Variants in ANXA11 observed in about 807,000 individuals in gnomAD.
ANXA11 encodes 56 kDa autoantigen.
Under a neutral mutation model 64.7 loss-of-function variants are expected in ANXA11, and 57 were observed. The observed-to-expected ratio is 0.88, with a 90% CI of 0.71 to 1.10. The LOEUF is 1.10. ANXA11 is among the 50% of genes least tolerant of loss of function. The pLI is 0.00. For missense variants in ANXA11, 675 were observed against 670.7 expected (o/e 1.01, Z -0.07); for synonymous variants, 260 against 265.2 (o/e 0.98, Z 0.19).
At chr10:80,167,159 G>A (rs1213024788) in intron 6 of ANXA11, 67 bp downstream of exon 6, 2 of 1,521,268 alleles carry the variant, frequency 1.3e-6, no homozygotes, top group Non-Finnish European at 9.1e-7. Context: ...AGCCCACAGA[G>A]CCACAGTGAA....
In ANXA11 at chr10:80,182,866, A is replaced by T. The variant is rs568550339; in HGVS notation, c.-57-6711T>A. Among the ~76,000 whole-genome samples, 6 of 152,278 alleles carry T rather than the reference A, an allele frequency of 3.9e-5. No homozygotes were observed. In the South Asian group the frequency reaches 8.3e-4, roughly 21 times the overall value. On this transcript the variant is annotated intron_variant, in intron 1 of 15. Coordinates refer to ENST00000422982, the MANE Select transcript of ANXA11 (RefSeq NM_145868.2). ...CAGTCTTGTGGGACTGAGCCCTTTA[A>T]CCTATAGGGTCTGCAGTGACTCCAG...
intron 1 of ANXA11, among the ~76,000 whole-genome samples, chr10:80,177,950 A>C (rs923713620): frequency 6.6e-6 from 1 of 152,092 alleles, no homozygotes; most frequent in South Asian, 2.1e-4. Flanking sequence ...TGACTCACAG[A>C]AGCAGCATTC....
intron 11 of ANXA11, 135 bp downstream of exon 11, chr10:80,163,214 C>T (rs12098628): frequency 2.9e-5 from 27 of 935,540 alleles, no homozygotes; most frequent in African/African-American, 2.1e-4. Flanking sequence ...CAGTTCAGCG[C>T]GTCTGAAACT....
intron 8 of ANXA11, among the ~76,000 whole-genome samples, chr10:80,165,447 C>A (rs1254471014): frequency 6.6e-6 from 1 of 152,164 alleles, no homozygotes; most frequent in African/African-American, 2.4e-5. Flanking sequence ...TGAGTCCAAG[C>A]CGGGCCCGTC....
Position 80,155,218 on chromosome 10 carries a change from C to T in ANXA11, c.*635G>A, listed in dbSNP as rs1845233297. On this transcript the variant is annotated 3_prime_UTR_variant, in exon 16 of 16. Coordinates refer to ENST00000422982, the MANE Select transcript of ANXA11 (RefSeq NM_145868.2). ...GGTTTAAGGCACATACCACAAATTA[C>T]AAGAAGCCCTGTCACTGACAGGGAA... is the stretch of plus-strand genomic sequence containing the variant. 6.5e-6 allele frequency: 1 copy of T among 152,740 alleles called. No individual in the cohort carries two copies. The allele number at this position is 152,740 out of a possible 1,614,324, so 9.5% of individuals were successfully genotyped here.
At chr10:80,199,529 G>A (rs1840329149) in intron 1 of ANXA11, among the ~76,000 whole-genome samples, 1 of 152,052 alleles carries the variant, frequency 6.6e-6, no homozygotes, top group African/African-American at 2.4e-5. Context: ...TGGTTGGCTG[G>A]GTGCAGTGGC....
chr10:80,173,952 G>A (rs1419864523), intron 2 of ANXA11, among the ~76,000 whole-genome samples: 3 of 152,186 alleles, frequency 2.0e-5, no homozygotes, highest in African/African-American at 7.2e-5. Flanking sequence ...TCCAGATGAT[G>A]TTACTGGTCC....
chr10:80,192,212 G>C (rs1846808331), intron 1 of ANXA11, among the ~76,000 whole-genome samples: 2 of 152,212 alleles, frequency 1.3e-5, no homozygotes, highest in South Asian at 4.1e-4. Context: ...TTGCAATATT[G>C]GGGAATAACT....
rs759708943 is a variant in ANXA11 at position 80,163,570 on chromosome 10, T to C, written c.993A>G (p.Ser331=). The C allele has an allele frequency of 1.2e-5, 19 of 1,571,622 alleles. No homozygotes were observed. In the Admixed American group the frequency reaches 1.3e-4, roughly 11 times the overall value. ...TLEEAIRSDT[S]GHFQRLLISL... is the part of the protein sequence containing the mutation. Reference sequence around the variant, plus strand: ...AGATGAGGAGCCGCTGGAAGTGCCCTGATGTGTCGCTTCGAATGGCCTCTT... The same window carrying C: ...AGATGAGGAGCCGCTGGAAGTGCCCCGATGTGTCGCTTCGAATGGCCTCTT... Residue 331 remains serine, a synonymous_variant, in exon 10 of 16, where the codon TCA becomes TCG. Transcript: ENST00000422982.
chr10:80,173,906 A>C (rs1846072222), intron 2 of ANXA11, among the ~76,000 whole-genome samples: 1 of 152,138 alleles, frequency 6.6e-6, no homozygotes, highest in Non-Finnish European at 1.5e-5. Context: ...AGAGTTTCTG[A>C]GACAGTGGAA....
chr10:80,176,113 C>T lies in ANXA11; in HGVS notation c.-15G>A, dbSNP rs1347116331. The T allele has an allele frequency of 6.6e-6, 1 of 152,204 alleles. No homozygotes were observed. The highest frequency in any genetic ancestry group is 1.5e-5 in the Non-Finnish European group (1 of 68,036). 9.4% of individuals were successfully genotyped at this position (152,204 alleles called of 1,614,324 possible). A position where few individuals can be genotyped will look rare whatever the true frequency, so the allele number is the denominator to read the frequency against. On this transcript the variant is annotated 5_prime_UTR_variant, in exon 2 of 16. Transcript: ENST00000422982. ...AAAACTTAAAATGACATACCTTTGA[C>T]TCAGCAACTCCACTTCTGTAAGTCT... is the stretch of plus-strand genomic sequence containing the variant.
In ANXA11 at chr10:80,166,988, G is replaced by T; in HGVS notation, c.650-4C>A. ...ATGATGGCCTGCTCATCCGTCCCTGGAGGAAGAGGCAGCAGGGGTGGGTCG... is the reference window on the plus strand; with the variant it reads ...ATGATGGCCTGCTCATCCGTCCCTGTAGGAAGAGGCAGCAGGGGTGGGTCG... On this transcript the variant is annotated splice_polypyrimidine_tract_variant and splice_region_variant and intron_variant, in intron 6 of 15. Transcript: ENST00000422982. 1 of 1,592,216 alleles carries T rather than the reference G, an allele frequency of 6.3e-7. No individual in the cohort carries two copies. The highest frequency in any genetic ancestry group is 8.6e-7 in the Non-Finnish European group (1 of 1,169,238).
At chr10:80,200,751 C>T (rs1255451072) in intron 1 of ANXA11, among the ~76,000 whole-genome samples, 2 of 152,138 alleles carry the variant, frequency 1.3e-5, no homozygotes, top group African/African-American at 2.4e-5. Context: ...TTAATACCAG[C>T]CAGGTGCAGT....
chr10:80,155,071 C>T lies in ANXA11; in HGVS notation c.*782G>A, dbSNP rs1845229772. ...ACTTTCACTGGCTGATAAGGCCAGACCTCTGAGCCACAGGGCAGAATCAAG... is the reference window on the plus strand; with the variant it reads ...ACTTTCACTGGCTGATAAGGCCAGATCTCTGAGCCACAGGGCAGAATCAAG... On this transcript the variant is annotated 3_prime_UTR_variant, in exon 16 of 16. Coordinates refer to ENST00000422982, the MANE Select transcript of ANXA11 (RefSeq NM_145868.2). The T allele has an allele frequency of 6.6e-6, 1 of 152,656 alleles. No homozygotes were observed. Among genetic ancestry groups the T allele is most frequent in the South Asian group, 2.1e-4 (1 of 4,822 alleles). 9.5% of individuals were successfully genotyped at this position (152,656 alleles called of 1,614,324 possible).
At chr10:80,202,902 C>A (rs988170611) in intron 1 of ANXA11, among the ~76,000 whole-genome samples, 1 of 151,854 alleles carries the variant, frequency 6.6e-6, no homozygotes. Context: ...AAAAATTAGC[C>A]GGGCATGGTG....
At chr10:80,171,121 C>G (rs1465299799) in intron 3 of ANXA11, 2 of 1,481,590 alleles carry the variant, frequency 1.3e-6, no homozygotes, top group Non-Finnish European at 1.8e-6. Flanking sequence ...TTCCCCTCTT[C>G]CCAGGGAGGA....
chr10:80,178,031 A>C (rs1235229126), intron 1 of ANXA11, among the ~76,000 whole-genome samples: 1 of 152,036 alleles, frequency 6.6e-6, no homozygotes, highest in Non-Finnish European at 1.5e-5. Flanking sequence ...TGACCTCTGC[A>C]TTTTTTCAAA....
chr10:80,156,467 T>C (rs1282964873), intron 15 of ANXA11: 1 of 471,810 alleles, frequency 2.1e-6, no homozygotes, highest in Non-Finnish European at 4.4e-6. Context: ...TTCTTCCAGA[T>C]GTCCATAGCT....
chr10:80,197,636 C>T (rs188665058), intron 1 of ANXA11, among the ~76,000 whole-genome samples: 28 of 152,188 alleles, frequency 1.8e-4, no homozygotes, highest in Non-Finnish European at 3.2e-4. Flanking sequence ...AAAAAAATAA[C>T]CCCTGGCCGG....
Sources: allele counts gnomAD v4.1 joint callset (sites outside exome capture counted in the v4.1 genomes callset), GRCh38; gene constraint gnomAD v4.1.1; transcripts MANE v1.5; gene names NCBI Gene and HGNC (gene_info 2026-07-23, HGNC 2026-07-21).